Variants in ANXA2 observed in about 807,000 individuals in gnomAD.
The protein encoded by ANXA2 is annexin A2, also known as annexin II.
ANXA2 carries 28 observed loss-of-function variants against 47.3 expected under a neutral mutation model. The ratio of observed to expected loss-of-function variants is 0.59; its 90% CI spans 0.44 to 0.81. The LOEUF (loss-of-function observed/expected upper bound fraction) is 0.81. ANXA2 is among the 40% of genes least tolerant of loss of function. The pLI, the probability that ANXA2 is intolerant of heterozygous loss-of-function variation, is 0.00. For missense variants in ANXA2, 384 were observed against 414.3 expected (o/e 0.93, Z 0.64); for synonymous variants, 172 against 155.5 (o/e 1.11, Z -0.79).
At chr15:60,393,220 T>C in intron 1 of ANXA2, 3 of 1,122,932 alleles carry the variant, frequency 2.7e-6, no homozygotes, top group Non-Finnish European at 3.3e-6. Context: ...GAATCAATAT[T>C]TGTTTGCTCC....
chr15:60,373,562 C>T (rs1055467681), intron 3 of ANXA2, among the ~76,000 whole-genome samples: 29 of 152,180 alleles, frequency 1.9e-4, no homozygotes, highest in Admixed American at 3.9e-4. Flanking sequence ...GTCTCCAGAG[C>T]GTCTCTCATC....
intron 11 of ANXA2, among the ~76,000 whole-genome samples, chr15:60,350,159 G>A (rs1239041386): frequency 1.6e-5 from 2 of 127,030 alleles, no homozygotes; most frequent in South Asian, 2.8e-4. Flanking sequence ...GGGAGGCAGG[G>A]GAAGGCAGGG....
Position 60,352,054 on chromosome 15 carries a change from A to G in ANXA2, c.683-235T>C, listed in dbSNP as rs550444339. ...CAGGCCACATATTTGGACCATCTCTATCTCCCCTGAGTGGAACCCATTCCA... is the reference window on the plus strand; with the variant it reads ...CAGGCCACATATTTGGACCATCTCTGTCTCCCCTGAGTGGAACCCATTCCA... On this transcript the variant is annotated intron_variant, in intron 9 of 12. Transcript: ENST00000451270. The surrounding 1 kb of genome is among the most constrained non-coding windows in gnomAD (Gnocchi z 4.2). 2.0e-5 allele frequency among the ~76,000 whole-genome samples: 3 copies of G among 152,230 alleles called. No homozygotes were observed. Among genetic ancestry groups the G allele is most frequent in the East Asian group, 3.9e-4 (2 of 5,176 alleles).
chr15:60,393,697 C>T (rs1417625563), intron 1 of ANXA2: 3 of 984,910 alleles, frequency 3.0e-6, no homozygotes, highest in East Asian at 1.1e-4. Context: ...TTCTCACACA[C>T]CCCTCCTTGC....
chr15:60,371,814 A>T (rs191841950), intron 3 of ANXA2, among the ~76,000 whole-genome samples: 1 of 152,196 alleles, frequency 6.6e-6, no homozygotes, highest in South Asian at 2.1e-4. Flanking sequence ...AATGCCACAG[A>T]GTTATGGGTG....
chr15:60,354,328 G>T (rs974412610), intron 7 of ANXA2, 115 bp from the exon 8 acceptor site: 5 of 873,734 alleles, frequency 5.7e-6, no homozygotes, highest in Non-Finnish European at 8.7e-6. Flanking sequence ...AAGTAACCAC[G>T]TAAGATTTTT....
chr15:60,397,163 G>A (rs2063091162), intron 1 of ANXA2: 3 of 673,308 alleles, frequency 4.5e-6, no homozygotes, highest in African/African-American at 3.9e-5. Context: ...AGGCCCCGGG[G>A]CCACGCCCTT....
Position 60,374,419 on chromosome 15 carries a change from CG to C in ANXA2, c.148+7922del, listed in dbSNP as rs1566942543. ...GAAAATTAAAAAATGTGAACAGATGCGAGAGAAACCAACGCAGCCACCCTTA... is the reference window on the plus strand; with the variant it reads ...GAAAATTAAAAAATGTGAACAGATGCAGAGAAACCAACGCAGCCACCCTTA... On this transcript the variant is annotated intron_variant, in intron 3 of 12. Coordinates refer to ENST00000451270, the MANE Select transcript of ANXA2 (RefSeq NM_004039.3). The C allele has an allele frequency of 6.6e-6, 3 of 455,046 alleles. No individual in the cohort carries two copies. In the Admixed American group the frequency reaches 7.1e-5, roughly 11 times the overall value. 28.2% of individuals were successfully genotyped at this position (455,046 alleles called of 1,614,324 possible).
At position 60,351,190 on chromosome 15, in the gene ANXA2, T is replaced by C. The variant is rs59183943; in HGVS notation, c.837+3A>G. The C allele has an allele frequency of 6.4e-5, 104 of 1,614,084 alleles. No homozygotes were observed. The African/African-American group carries it at 1.3e-3, about 21-fold the overall frequency. On this transcript the variant is annotated splice_donor_region_variant and intron_variant, in intron 11 of 12. Transcript: ENST00000451270. ...CACAGCTCTCTCAGCCAGCTGCCCT[T>C]ACCTTCATGGAGTCATACAGCCGAT... is the stretch of plus-strand genomic sequence containing the variant.
chr15:60,369,290 G>A (rs570581447), intron 3 of ANXA2, among the ~76,000 whole-genome samples: 19 of 152,302 alleles, frequency 1.2e-4, no homozygotes, highest in African/African-American at 1.4e-4. Flanking sequence ...ATGCGTGTTC[G>A]CTTGCTCGTT....
intron 1 of ANXA2, 90 bp downstream of exon 1, chr15:60,397,853 C>T (rs2063102732): frequency 7.2e-7 from 1 of 1,390,750 alleles, no homozygotes; most frequent in Non-Finnish European, 9.3e-7. Context: ...TTGCCGGGGC[C>T]TCCCTGCCAG....
At chr15:60,378,216 G>C (rs142413393) in intron 3 of ANXA2, among the ~76,000 whole-genome samples, 14 of 152,266 alleles carry the variant, frequency 9.2e-5, no homozygotes, top group African/African-American at 2.9e-4. Flanking sequence ...GAGTGTTAGG[G>C]AAGTTACTGT....
chr15:60,392,239 G>A (rs2063022547), intron 1 of ANXA2, among the ~76,000 whole-genome samples: 1 of 152,136 alleles, frequency 6.6e-6, no homozygotes, highest in Non-Finnish European at 1.5e-5. Context: ...CACAGTGCAA[G>A]GCTGATCATT....
chr15:60,371,501 ATG>A (rs1278730309), intron 3 of ANXA2, among the ~76,000 whole-genome samples: 7 of 152,280 alleles, frequency 4.6e-5, no homozygotes, highest in African/African-American at 1.7e-4. Flanking sequence ...TCCATGGAAA[ATG>A]TGTGTCTTTA....
intron 1 of ANXA2, chr15:60,396,222 C>T (rs2063078568): frequency 6.6e-6 from 1 of 152,144 alleles, no homozygotes; most frequent in Non-Finnish European, 1.5e-5. Flanking sequence ...CGCCCAGTAT[C>T]GTTGTTTTTT....
At position 60,347,504 on chromosome 15, in the gene ANXA2, G is replaced by A. The variant is rs1018547934; in HGVS notation, c.*126C>T. The A allele has an allele frequency of 1.2e-6, 1 of 831,552 alleles. No individual in the cohort carries two copies. The highest frequency in any genetic ancestry group is 2.0e-6 in the Non-Finnish European group (1 of 506,102). The allele number at this position is 831,552 out of a possible 1,614,324, so 51.5% of individuals were successfully genotyped here. On this transcript the variant is annotated 3_prime_UTR_variant, in exon 13 of 13. Transcript: ENST00000451270. ...TGCTTAGGCAACTAAAATGAGGTTGGGGGTAATGCTAACGTCACCCTCACA... is the reference window on the plus strand; with the variant it reads ...TGCTTAGGCAACTAAAATGAGGTTGAGGGTAATGCTAACGTCACCCTCACA...
intron 3 of ANXA2, among the ~76,000 whole-genome samples, chr15:60,365,417 T>G (rs1308663023): frequency 1.3e-5 from 2 of 152,166 alleles, no homozygotes; most frequent in Non-Finnish European, 1.5e-5. Flanking sequence ...CCTGACTGAT[T>G]AATAACTTTG....
chr15:60,354,253 G>A (rs1188540440), intron 7 of ANXA2, 40 bp from the exon 8 acceptor site: 38 of 1,508,254 alleles, frequency 2.5e-5, no homozygotes, highest in Non-Finnish European at 3.3e-5. Flanking sequence ...ACATTTCTTT[G>A]TGTATTTTAA....
chr15:60,376,405 C>T (rs1355758650), intron 3 of ANXA2, among the ~76,000 whole-genome samples: 1 of 151,342 alleles, frequency 6.6e-6, no homozygotes, highest in Admixed American at 6.6e-5. Flanking sequence ...AAGACGACGA[C>T]GACAGATGCC....
Sources: allele counts gnomAD v4.1 joint callset (sites outside exome capture counted in the v4.1 genomes callset), GRCh38; gene constraint gnomAD v4.1.1; non-coding constraint Gnocchi (gnomAD v3.1); transcripts MANE v1.5; gene names NCBI Gene and HGNC (gene_info 2026-07-23, HGNC 2026-07-21).